The following NELL1 variants were observed in gnomAD, a reference collection of about 807,000 sequenced individuals.
NELL1 encodes neural EGFL like 1, also known as protein kinase C-binding protein NELL1.
In NELL1, 76 loss-of-function variants were observed where a neutral mutation model predicts 107.4. The ratio of observed to expected loss-of-function variants is 0.71; its 90% confidence interval spans 0.59 to 0.86. NELL1 has a LOEUF of 0.86. NELL1 is among the 40% of genes least tolerant of loss of function. NELL1 has a pLI of 0.00. For missense variants in NELL1, 1,024 were observed against 1,005.5 expected (o/e 1.02, Z -0.25); for synonymous variants, 353 against 341.2 (o/e 1.03, Z -0.38).
intron 4 of NELL1, among the ~76,000 whole-genome samples, chr11:20,858,350 C>A (rs914718486): frequency 6.6e-6 from 1 of 152,150 alleles, no homozygotes; most frequent in Non-Finnish European, 1.5e-5. Flanking sequence ...CTAGTACTGA[C>A]ACTATAAAGT....
intron 7 of NELL1, among the ~76,000 whole-genome samples, chr11:20,923,251 T>C (rs764831778): frequency 6.6e-6 from 1 of 152,096 alleles, no homozygotes; most frequent in Non-Finnish European, 1.5e-5. Context: ...CAGGGGTCTG[T>C]GTAGGAGAGC....
At chr11:20,702,921 T>C (rs562297851) in intron 2 of NELL1, among the ~76,000 whole-genome samples, 13 of 152,344 alleles carry the variant, frequency 8.5e-5, no homozygotes, top group African/African-American at 2.9e-4. Context: ...CAGCATTTTA[T>C]TGAGGATTTT....
intron 12 of NELL1, among the ~76,000 whole-genome samples, chr11:21,074,027 T>C (rs1338286163): frequency 6.6e-6 from 1 of 152,150 alleles, no homozygotes; most frequent in Non-Finnish European, 1.5e-5. Flanking sequence ...ATTGGAATTA[T>C]ATACTGGAAA....
chr11:21,296,043 G>A (rs1017551005), intron 14 of NELL1, among the ~76,000 whole-genome samples: 2 of 151,968 alleles, frequency 1.3e-5, no homozygotes, highest in African/African-American at 2.4e-5. Context: ...CACAATAGAT[G>A]TAAATGAATA....
At chr11:21,424,369 C>G (rs1564887330) in intron 15 of NELL1, among the ~76,000 whole-genome samples, 1 of 152,118 alleles carries the variant, frequency 6.6e-6, no homozygotes, top group African/African-American at 2.4e-5. Flanking sequence ...GCTTGTAATA[C>G]CAGCACTTTG....
intron 14 of NELL1, among the ~76,000 whole-genome samples, chr11:21,358,409 G>A (rs1040476986): frequency 6.6e-6 from 1 of 150,590 alleles, no homozygotes; most frequent in African/African-American, 2.4e-5. Flanking sequence ...GTTTTGTTTT[G>A]TTTTTTTTGA....
At chr11:21,225,035 G>C (rs1857857524) in intron 13 of NELL1, among the ~76,000 whole-genome samples, 2 of 152,052 alleles carry the variant, frequency 1.3e-5, no homozygotes. Context: ...TGTCCCATGG[G>C]ATATAGGGTG....
intron 15 of NELL1, among the ~76,000 whole-genome samples, chr11:21,418,126 G>A (rs564512818): frequency 1.3e-5 from 2 of 152,088 alleles, no homozygotes; most frequent in Non-Finnish European, 2.9e-5. Context: ...TTCAACAGGG[G>A]TTTACTGAAC....
At chr11:21,255,457 G>A (rs1297518202) in intron 14 of NELL1, among the ~76,000 whole-genome samples, 5 of 151,978 alleles carry the variant, frequency 3.3e-5, no homozygotes, top group Non-Finnish European at 7.4e-5. Context: ...AAAATATCTT[G>A]TGTGCACTAG....
chr11:21,007,940 C>A (rs904685530), intron 12 of NELL1, among the ~76,000 whole-genome samples: 2 of 152,050 alleles, frequency 1.3e-5, no homozygotes, highest in African/African-American at 4.8e-5. Context: ...AATGCCTCAA[C>A]CTGAAGCTTT....
At chr11:21,504,840 A>G (rs77427794) in intron 15 of NELL1, among the ~76,000 whole-genome samples, 1 of 151,768 alleles carries the variant, frequency 6.6e-6, no homozygotes, top group Non-Finnish European at 1.5e-5. Flanking sequence ...TGCCACTCTA[A>G]CCCCTCTTCT....
intron 13 of NELL1, among the ~76,000 whole-genome samples, chr11:21,178,115 C>A (rs1434292071): frequency 2.0e-5 from 3 of 151,808 alleles, no homozygotes; most frequent in Admixed American, 2.0e-4. Flanking sequence ...AAAGTTATTT[C>A]TTTCTTAGAC....
chr11:20,817,708 A>G (rs542543911), intron 3 of NELL1, among the ~76,000 whole-genome samples: 20 of 150,570 alleles, frequency 1.3e-4, no homozygotes, highest in Non-Finnish European at 2.4e-4. Flanking sequence ...TCGCTTTTCT[A>G]TTCCTCTAGC....
At chr11:20,693,838 G>A (rs1015886127) in intron 2 of NELL1, among the ~76,000 whole-genome samples, 6 of 152,110 alleles carry the variant, frequency 3.9e-5, no homozygotes, top group African/African-American at 1.4e-4. Context: ...GGCCTGCCTT[G>A]CTAGATTGGG....
At chr11:20,844,706 T>G (rs1848675203) in intron 3 of NELL1, among the ~76,000 whole-genome samples, 1 of 152,232 alleles carries the variant, frequency 6.6e-6, no homozygotes, top group African/African-American at 2.4e-5. Flanking sequence ...AGGCAACACC[T>G]GGCATACTAC....
chr11:21,388,464 A>G (rs1451551518), intron 15 of NELL1, among the ~76,000 whole-genome samples: 1 of 151,890 alleles, frequency 6.6e-6, no homozygotes, highest in African/African-American at 2.4e-5. Context: ...GAACAATTTT[A>G]TCAGTCATAG....
chr11:21,240,180 C>A (rs1398215065), intron 14 of NELL1, among the ~76,000 whole-genome samples: 1 of 151,942 alleles, frequency 6.6e-6, no homozygotes, highest in Admixed American at 6.6e-5. Flanking sequence ...CTATTCCACC[C>A]CCAGAAATGC....
chr11:21,002,029 T>C (rs1188983368), intron 12 of NELL1, among the ~76,000 whole-genome samples: 1 of 152,222 alleles, frequency 6.6e-6, no homozygotes, highest in Non-Finnish European at 1.5e-5. Flanking sequence ...TCAGCTCTGA[T>C]GCCACTGTAG....
chr11:20,769,803 A>G (rs777335934), intron 2 of NELL1, among the ~76,000 whole-genome samples: 2 of 152,100 alleles, frequency 1.3e-5, no homozygotes, highest in Non-Finnish European at 2.9e-5. Context: ...GACCCTTCCC[A>G]TGTCTTGCGC....
Sources: gnomAD v4.1 joint callset for allele counts (sites outside exome capture counted in the v4.1 genomes callset) on GRCh38, gnomAD v4.1.1 for gene constraint, MANE v1.5 for transcripts, NCBI Gene and HGNC (gene_info 2026-07-23, HGNC 2026-07-21) for gene names.